SCN8A: variants seen among roughly 807,000 people sequenced by gnomAD.
SCN8A encodes the protein sodium channel protein type 8 subunit alpha.
Under a neutral mutation model 184.1 loss-of-function variants are expected in SCN8A, and 30 were observed. The observed-to-expected ratio is 0.16, with a 90% CI of 0.12 to 0.22. The LOEUF (loss-of-function observed/expected upper bound fraction) is 0.22. Among genes scored for constraint, SCN8A ranks in the 10% least tolerant of loss-of-function variants. The probability of loss-of-function intolerance (pLI) is 1.00; values close to 1 mark genes in which losing one functional copy is unlikely to be tolerated. For synonymous variants in SCN8A, 852 were observed against 907.0 expected, an observed-to-expected ratio of 0.94 and a Z score of 1.09; for missense variants, 1,057 against 2,498.9, an observed-to-expected ratio of 0.42 and a Z score of 12.30.
chr12:51,781,634 G>A (rs552480929), intron 21 of SCN8A, among the ~76,000 whole-genome samples: 15 of 152,166 alleles, frequency 9.9e-5, no homozygotes, highest in Middle Eastern at 3.4e-3. Context: ...ACAATTGTGC[G>A]TGTGCGTGCG....
chr12:51,660,284 G>C (rs1050027099), intron 1 of SCN8A, among the ~76,000 whole-genome samples: 1 of 152,192 alleles, frequency 6.6e-6, no homozygotes, highest in African/African-American at 2.4e-5. Context: ...GAAGAAACAG[G>C]ATCTGAAAGC....
At chr12:51,656,512 G>A (rs1236997554) in intron 1 of SCN8A, among the ~76,000 whole-genome samples, 2 of 152,028 alleles carry the variant, frequency 1.3e-5, no homozygotes, top group South Asian at 2.1e-4. Context: ...GTGAAAGAGA[G>A]GAAATATTTG....
At chr12:51,714,557 T>G (rs76226116) in intron 11 of SCN8A, among the ~76,000 whole-genome samples, 2,606 of 152,280 alleles carry the variant, frequency 0.017, 71 homozygotes, top group African/African-American at 0.058. Flanking sequence ...AATTTTGACC[T>G]CATGAGCCTT....
At chr12:51,668,497 A>G (rs1247469269) in intron 2 of SCN8A, among the ~76,000 whole-genome samples, 11 of 152,132 alleles carry the variant, frequency 7.2e-5, no homozygotes, top group East Asian at 1.9e-4. Context: ...CTCAGCCTCA[A>G]TTGGCTCAGT....
At chr12:51,779,359 A>G (rs1937822984) in intron 20 of SCN8A, among the ~76,000 whole-genome samples, 1 of 152,210 alleles carries the variant, frequency 6.6e-6, no homozygotes, top group African/African-American at 2.4e-5. Flanking sequence ...TGTAGTTAGC[A>G]TGGTGTTGAG....
At chr12:51,801,067 C>A (rs1296753388) in intron 26 of SCN8A, among the ~76,000 whole-genome samples, 65 of 152,178 alleles carry the variant, frequency 4.3e-4, no homozygotes, top group Admixed American at 4.3e-3. Flanking sequence ...TTACACAAAT[C>A]AAGAAAGAAT....
intron 1 of SCN8A, among the ~76,000 whole-genome samples, chr12:51,620,340 A>ATT (rs1939932559): frequency 6.6e-6 from 1 of 152,230 alleles, no homozygotes; most frequent in African/African-American, 2.4e-5. Context: ...AATCATGAAT[A>ATT]AAATTAGCTT....
chr12:51,595,532 A>G (rs1475615560), intron 1 of SCN8A, among the ~76,000 whole-genome samples: 2 of 152,228 alleles, frequency 1.3e-5, no homozygotes, highest in Non-Finnish European at 2.9e-5. Context: ...AGACAAAACT[A>G]GATTCAAATC....
chr12:51,666,410 C>T (rs1292094604), intron 2 of SCN8A, among the ~76,000 whole-genome samples: 1 of 152,146 alleles, frequency 6.6e-6, no homozygotes, highest in Non-Finnish European at 1.5e-5. Flanking sequence ...TATCTTAACC[C>T]CTTCACTTCT....
chr12:51,748,189 G>T (rs188599978), intron 13 of SCN8A, among the ~76,000 whole-genome samples: 1 of 152,298 alleles, frequency 6.6e-6, no homozygotes, highest in East Asian at 1.9e-4. Flanking sequence ...AGCATTAAAA[G>T]CCAGCATTGA....
chr12:51,776,200 G>C (rs1018669740), intron 20 of SCN8A, among the ~76,000 whole-genome samples: 2 of 152,148 alleles, frequency 1.3e-5, no homozygotes, highest in African/African-American at 4.8e-5. Flanking sequence ...ATGTTGCCCA[G>C]GCTGGTCTGG....
At position 51,808,370 on chromosome 12, in the gene SCN8A, A is replaced by G. The variant is rs944374166; in HGVS notation, c.*941A>G. The G allele has an allele frequency of 6.6e-6, 1 of 152,664 alleles. No individual in the cohort carries two copies. Among genetic ancestry groups the G allele is most frequent in the Non-Finnish European group, 1.5e-5 (1 of 68,050 alleles). 9.5% of individuals were successfully genotyped at this position (152,664 alleles called of 1,614,324 possible). ...ATGGATCCGTTGCGTGTATATGTTTAACAGACATCTCTAACATACAGCCAT... is the reference window on the plus strand; with the variant it reads ...ATGGATCCGTTGCGTGTATATGTTTGACAGACATCTCTAACATACAGCCAT... On this transcript the variant is annotated 3_prime_UTR_variant, in exon 27 of 27. Coordinates refer to ENST00000627620, the MANE Select transcript of SCN8A (RefSeq NM_001330260.2).
intron 1 of SCN8A, among the ~76,000 whole-genome samples, chr12:51,610,505 T>G (rs1939699380): frequency 6.6e-6 from 1 of 152,232 alleles, no homozygotes; most frequent in South Asian, 2.1e-4. Flanking sequence ...ATTTATGCTT[T>G]AAAGTGGTTC....
chr12:51,722,204 C>T, intron 12 of SCN8A: 2 of 530,910 alleles, frequency 3.8e-6, no homozygotes, highest in South Asian at 2.5e-5. Context: ...TCCTTCTCCC[C>T]TATCAACTCC....
chr12:51,633,783 T>C (rs777461646), intron 1 of SCN8A, among the ~76,000 whole-genome samples: 20 of 152,234 alleles, frequency 1.3e-4, no homozygotes, highest in Non-Finnish European at 2.6e-4. Context: ...TATTTGATTA[T>C]GATACTCTGG....
chr12:51,637,650 G>T (rs1940348633), intron 1 of SCN8A, among the ~76,000 whole-genome samples: 1 of 152,170 alleles, frequency 6.6e-6, no homozygotes, highest in African/African-American at 2.4e-5. Context: ...GGAAGCTGCA[G>T]GAGAAAAATT....
intron 1 of SCN8A, among the ~76,000 whole-genome samples, chr12:51,619,600 A>G (rs1939918020): frequency 6.6e-6 from 1 of 152,214 alleles, no homozygotes; most frequent in African/African-American, 2.4e-5. Flanking sequence ...TCTTTATTCA[A>G]ACTCAGGTTA....
chr12:51,701,832 A>G (rs1204292812), intron 8 of SCN8A, among the ~76,000 whole-genome samples: 1 of 152,178 alleles, frequency 6.6e-6, no homozygotes, highest in Non-Finnish European at 1.5e-5. Flanking sequence ...TGCAGAGTAT[A>G]TTGGTCCTCT....
At chr12:51,657,691 A>G (rs929684690) in intron 1 of SCN8A, among the ~76,000 whole-genome samples, 2 of 152,102 alleles carry the variant, frequency 1.3e-5, no homozygotes, top group African/African-American at 4.8e-5. Flanking sequence ...TTCTCCATAA[A>G]ATCTTTGCCC....
Sources: allele counts gnomAD v4.1 joint callset (sites outside exome capture counted in the v4.1 genomes callset), GRCh38; gene constraint gnomAD v4.1.1; transcripts MANE v1.5; gene names NCBI Gene and HGNC (gene_info 2026-07-23, HGNC 2026-07-21).